CDH13: variants seen among roughly 807,000 people sequenced by gnomAD.
CDH13 encodes cadherin-13.
In CDH13, 24 loss-of-function variants were observed where a neutral mutation model predicts 63.8. The ratio of observed to expected loss-of-function variants is 0.38; its 90% confidence interval spans 0.27 to 0.53. CDH13 has a LOEUF of 0.53. CDH13 is among the 20% of genes least tolerant of loss of function. CDH13 has a pLI of 0.85. For synonymous variants in CDH13, 503 were observed against 355.3 expected (o/e 1.42, Z -4.67); for missense variants, 1,049 against 903.1 (o/e 1.16, Z -2.07).
At chr16:82,905,685 T>C (rs1039351853) in intron 2 of CDH13, among the ~76,000 whole-genome samples, 5 of 152,218 alleles carry the variant, frequency 3.3e-5, no homozygotes, top group Non-Finnish European at 5.9e-5. Flanking sequence ...AAATTAATTT[T>C]AATAATGTAC....
At chr16:82,988,157 T>A (rs549598965) in intron 2 of CDH13, among the ~76,000 whole-genome samples, 73 of 152,324 alleles carry the variant, frequency 4.8e-4, no homozygotes, top group African/African-American at 1.7e-3. Context: ...GTCGTGTGTG[T>A]ACATGCATAT....
rs115912898 is a variant in CDH13 at position 83,424,814 on chromosome 16, G to A, written c.782-61663G>A. On this transcript the variant is annotated intron_variant, in intron 6 of 13. Coordinates refer to ENST00000567109, the MANE Select transcript of CDH13 (RefSeq NM_001257.5). ...AGTCAGAGACCAATTTTAATCCCAA[G>A]GTTGATTAGACAGGTAGCTCTTCGC... Among the ~76,000 whole-genome samples, 729 of 152,202 alleles carry A rather than the reference G, an allele frequency of 4.8e-3. 6 individuals are homozygous for A. Among genetic ancestry groups the A allele is most frequent in the African/African-American group, 0.017 (691 of 41,526 alleles).
intron 8 of CDH13, among the ~76,000 whole-genome samples, chr16:83,606,114 T>C (rs1401014833): frequency 6.6e-6 from 1 of 152,108 alleles, no homozygotes; most frequent in Non-Finnish European, 1.5e-5. Context: ...TGAAACAAAT[T>C]TTAGAGATGA....
At chr16:82,802,431 T>G (rs1446070159) in intron 1 of CDH13, among the ~76,000 whole-genome samples, 1 of 152,166 alleles carries the variant, frequency 6.6e-6, no homozygotes, top group African/African-American at 2.4e-5. Context: ...CTCAAAGTTT[T>G]CAAAGAAAGG....
chr16:83,688,223 T>C (rs1378359558), intron 10 of CDH13, among the ~76,000 whole-genome samples: 4 of 152,206 alleles, frequency 2.6e-5, no homozygotes, highest in Non-Finnish European at 4.4e-5. Flanking sequence ...AAAACCATCA[T>C]TGACTGGCGA....
At chr16:83,224,362 G>T (rs2151796252) in intron 5 of CDH13, among the ~76,000 whole-genome samples, 1 of 152,342 alleles carries the variant, frequency 6.6e-6, no homozygotes, top group East Asian at 1.9e-4. Flanking sequence ...CCTCTGTGTA[G>T]ATACTCAGTA....
chr16:83,147,011 T>G (rs1200346484), intron 4 of CDH13, among the ~76,000 whole-genome samples: 2 of 151,960 alleles, frequency 1.3e-5, no homozygotes, highest in African/African-American at 4.8e-5. Context: ...TTGCTTGAAC[T>G]CAAGAGGTGG....
At chr16:83,560,436 T>C (rs1158030131) in intron 7 of CDH13, among the ~76,000 whole-genome samples, 3 of 152,186 alleles carry the variant, frequency 2.0e-5, no homozygotes, top group Non-Finnish European at 4.4e-5. Context: ...AGGACAAATA[T>C]TGCACGTTAC....
chr16:83,142,160 G>GTTTTTTTTTTT (rs11445521), intron 4 of CDH13, among the ~76,000 whole-genome samples: 28 of 120,358 alleles, frequency 2.3e-4, no homozygotes, highest in East Asian at 1.5e-3. Context: ...GTTTGTTTTT[G>GTTTTTTTTTTT]TTTTTTTTTT....
At chr16:83,790,593 T>A (rs1383770807) in intron 13 of CDH13, among the ~76,000 whole-genome samples, 1 of 151,982 alleles carries the variant, frequency 6.6e-6, no homozygotes, top group Non-Finnish European at 1.5e-5. Flanking sequence ...TTAGTAGACA[T>A]GGGGTTTCAC....
intron 4 of CDH13, among the ~76,000 whole-genome samples, chr16:83,126,739 G>GAC (rs775801154): frequency 1.6e-4 from 24 of 152,286 alleles, no homozygotes; most frequent in Admixed American, 6.5e-4. Context: ...ATGGTGGTTG[G>GAC]TTAAATGAAT....
At position 83,411,503 on chromosome 16, in the gene CDH13, A is replaced by G. The variant is rs1054130266; in HGVS notation, c.781+66497A>G. ...ATGTGCTCAATATGGGGGTTAGCACATAGTCAATGAATATTCAAATTCATT... is the reference window on the plus strand; with the variant it reads ...ATGTGCTCAATATGGGGGTTAGCACGTAGTCAATGAATATTCAAATTCATT... On this transcript the variant is annotated intron_variant, in intron 6 of 13. Transcript: ENST00000567109. 3.9e-5 allele frequency among the ~76,000 whole-genome samples: 6 copies of G among 152,330 alleles called. 1 individual carries two copies. Among genetic ancestry groups the G allele is most frequent in the South Asian group, 4.1e-4 (2 of 4,828 alleles).
At chr16:83,329,670 A>G (rs1038469738) in intron 5 of CDH13, among the ~76,000 whole-genome samples, 4 of 152,144 alleles carry the variant, frequency 2.6e-5, no homozygotes, top group African/African-American at 9.7e-5. Flanking sequence ...GAAACTCTAT[A>G]GCTACCCTTT....
chr16:83,713,853 C>G lies in CDH13; in HGVS notation c.1539-34255C>G, dbSNP rs978536247. ...GTGGGGCTATCAGGAATCTCTCTCC[C>G]TCTTGACTGCCTTCCTCATTGTCAA... On this transcript the variant is annotated intron_variant, in intron 10 of 13. Coordinates refer to ENST00000567109, the MANE Select transcript of CDH13 (RefSeq NM_001257.5). Among the ~76,000 whole-genome samples the G allele has an allele frequency of 2.6e-5, 4 of 152,230 alleles. No homozygotes were observed. In the South Asian group the frequency reaches 8.3e-4, roughly 32 times the overall value.
At chr16:83,364,780 A>AAG (rs993161712) in intron 6 of CDH13, among the ~76,000 whole-genome samples, 3 of 152,122 alleles carry the variant, frequency 2.0e-5, no homozygotes, top group Non-Finnish European at 2.9e-5. Flanking sequence ...CAGAAGGAAG[A>AAG]AGAGAGAGAG....
intron 4 of CDH13, among the ~76,000 whole-genome samples, chr16:83,210,857 A>G (rs1034843184): frequency 2.0e-5 from 3 of 151,264 alleles, no homozygotes; most frequent in Non-Finnish European, 4.4e-5. Flanking sequence ...AAAAAAAAAA[A>G]GGTTACTAGA....
intron 1 of CDH13, among the ~76,000 whole-genome samples, chr16:82,730,924 A>T (rs1226115759): frequency 6.6e-6 from 1 of 152,236 alleles, no homozygotes; most frequent in Non-Finnish European, 1.5e-5. Context: ...ATATTAAAAG[A>T]AGGGTAATAT....
chr16:82,755,417 G>C (rs1384913934), intron 1 of CDH13, among the ~76,000 whole-genome samples: 2 of 152,238 alleles, frequency 1.3e-5, no homozygotes, highest in Admixed American at 1.3e-4. Flanking sequence ...AAAAGGGAGT[G>C]CACAGGAGGA....
At chr16:82,955,937 C>A (rs140074451) in intron 2 of CDH13, among the ~76,000 whole-genome samples, 1 of 152,166 alleles carries the variant, frequency 6.6e-6, no homozygotes, top group African/African-American at 2.4e-5. Context: ...ATGAAATATG[C>A]AAGAGTCTGT....
Sources: allele counts gnomAD v4.1 joint callset (sites outside exome capture counted in the v4.1 genomes callset), GRCh38; gene constraint gnomAD v4.1.1; transcripts MANE v1.5; gene names NCBI Gene and HGNC (gene_info 2026-07-23, HGNC 2026-07-21).